PCSK5: variants seen among roughly 807,000 people sequenced by gnomAD.
PCSK5 encodes proprotein convertase subtilisin/kexin type 5, also known as prohormone convertase 5.
PCSK5 carries 129 observed loss-of-function variants against 233.2 expected under a neutral mutation model. The observed-to-expected ratio is 0.55, with a 90% CI of 0.48 to 0.64. The LOEUF is 0.64. Among genes scored for constraint, PCSK5 ranks in the 30% least tolerant of loss-of-function variants. The pLI is 0.00. For synonymous variants in PCSK5, 825 were observed against 879.2 expected (o/e 0.94, Z 1.09); for missense variants, 2,076 against 2,430.1 (o/e 0.85, Z 3.06).
intron 24 of PCSK5, among the ~76,000 whole-genome samples, chr9:76,281,618 G>T (rs371944953): frequency 6.6e-6 from 1 of 152,124 alleles, no homozygotes; most frequent in African/African-American, 2.4e-5. Context: ...CATTGATTCT[G>T]CAGCCCATGG....
chr9:76,113,503 A>G (rs1206211518), intron 9 of PCSK5, among the ~76,000 whole-genome samples: 1 of 152,120 alleles, frequency 6.6e-6, no homozygotes, highest in Non-Finnish European at 1.5e-5. Context: ...ACATGTTTCC[A>G]GCGTTGGAAA....
At chr9:75,995,765 ACACACACACACACACACT>A (rs1426122711) in intron 3 of PCSK5, among the ~76,000 whole-genome samples, 2 of 151,782 alleles carry the variant, frequency 1.3e-5, no homozygotes, top group Non-Finnish European at 2.9e-5. Context: ...ACACACACAC[ACACACACACACACACACT>A]CACACCTCTC....
chr9:76,311,290 G>A (rs138186225), intron 30 of PCSK5, among the ~76,000 whole-genome samples: 1,567 of 151,702 alleles, frequency 0.01, 24 homozygotes, highest in African/African-American at 0.036. Flanking sequence ...CCAGGAGATT[G>A]CAGTGAGCTG....
chr9:76,183,003 A>ACT, intron 16 of PCSK5, among the ~76,000 whole-genome samples: 1 of 152,226 alleles, frequency 6.6e-6, no homozygotes, highest in African/African-American at 2.4e-5. Context: ...GTGGGTAAGG[A>ACT]CTCTGCCTTT....
chr9:76,181,783 C>G (rs1823883083), intron 16 of PCSK5, among the ~76,000 whole-genome samples, 192 bp downstream of exon 16: 1 of 152,146 alleles, frequency 6.6e-6, no homozygotes, highest in African/African-American at 2.4e-5. Flanking sequence ...AGAGTATCCT[C>G]AAGACCACCC....
chr9:76,239,540 A>T (rs539761952), intron 23 of PCSK5, among the ~76,000 whole-genome samples: 1 of 151,974 alleles, frequency 6.6e-6, no homozygotes, highest in South Asian at 2.1e-4. Flanking sequence ...TACTAAACAT[A>T]CAAAAATTAG....
intron 34 of PCSK5, among the ~76,000 whole-genome samples, chr9:76,333,596 A>C (rs28393400): frequency 6.6e-6 from 1 of 152,186 alleles, no homozygotes; most frequent in African/African-American, 2.4e-5. Context: ...TCTGATTGCC[A>C]GCATATCCTT....
intron 13 of PCSK5, among the ~76,000 whole-genome samples, 193 bp from the exon 14 acceptor site, chr9:76,174,793 G>A (rs1252297328): frequency 6.6e-6 from 1 of 152,160 alleles, no homozygotes; most frequent in Admixed American, 6.5e-5. Context: ...TCAATATGTG[G>A]TATGTGAATT....
Position 76,338,454 on chromosome 9 carries a change from G to A in PCSK5, c.4966+7G>A. ...ACTTGTGATCAATGCAAAGGTGAGA[G>A]TCTACCTGTCATTTTGCATGAGTGC... On this transcript the variant is annotated splice_region_variant and intron_variant, in intron 35 of 37. Coordinates refer to ENST00000674117, the MANE Select transcript of PCSK5 (RefSeq NM_001372043.1). 6.3e-7 allele frequency: 1 copy of A among 1,588,900 alleles called. No individual in the cohort carries two copies. Among genetic ancestry groups the A allele is most frequent in the Admixed American group, 1.7e-5 (1 of 59,884 alleles).
chr9:75,950,709 C>A (rs1824815955), intron 2 of PCSK5, among the ~76,000 whole-genome samples: 1 of 152,164 alleles, frequency 6.6e-6, no homozygotes, highest in South Asian at 2.1e-4. Context: ...TGGAAAGGAA[C>A]AACAGGTACC....
chr9:76,150,723 C>T (rs751917988), intron 10 of PCSK5, among the ~76,000 whole-genome samples: 3 of 152,178 alleles, frequency 2.0e-5, no homozygotes, highest in Admixed American at 1.3e-4. Context: ...TGCATTTTTG[C>T]ACTGAGCAGC....
Position 76,158,987 on chromosome 9 carries a change from A to G in PCSK5, c.1435A>G (p.Ile479Val), listed in dbSNP as rs767144881. ...CTCCATCTCTCTCTGTTACAGGACA[A>G]TCCGCCCTAACAGTGCAGTGCGCTC... ...VESTDRQIKT[I>V]RPNSAVRSIY... is the part of the protein sequence containing the mutation. The change falls in exon 12 of 38, where the codon ATC becomes GTC. Residue 479 changes from isoleucine to valine, a missense_variant. By Grantham distance (29) the Ile-to-Val change is conservative. Around this residue, in one of 6 missense-constraint regions of PCSK5, gnomAD observed 64 missense variants for 68.6 expected, o/e 0.93. Coordinates refer to ENST00000674117, the MANE Select transcript of PCSK5 (RefSeq NM_001372043.1). The G allele has an allele frequency of 8.7e-6, 14 of 1,613,374 alleles. No homozygotes were observed. In the East Asian group the frequency reaches 2.5e-4, roughly 28 times the overall value.
At chr9:76,093,952 G>T (rs906949301) in intron 7 of PCSK5, among the ~76,000 whole-genome samples, 1 of 152,164 alleles carries the variant, frequency 6.6e-6, no homozygotes, top group Non-Finnish European at 1.5e-5. Context: ...CTTAGTTTGT[G>T]ATGGCTTGGT....
intron 1 of PCSK5, among the ~76,000 whole-genome samples, chr9:75,914,950 T>G (rs1822916778): frequency 2.0e-5 from 3 of 152,308 alleles, no homozygotes; most frequent in Admixed American, 1.3e-4. Flanking sequence ...ATGATAAATA[T>G]TCCACACTTT....
intron 9 of PCSK5, among the ~76,000 whole-genome samples, chr9:76,111,121 A>AT (rs1832196285): frequency 6.6e-6 from 1 of 152,188 alleles, no homozygotes; most frequent in African/African-American, 2.4e-5. Flanking sequence ...CAAAAAAAAA[A>AT]GTAAAGAAAA....
chr9:76,199,014 AATG>A (rs1302867144), intron 20 of PCSK5, among the ~76,000 whole-genome samples: 1 of 152,254 alleles, frequency 6.6e-6, no homozygotes, highest in Non-Finnish European at 1.5e-5. Context: ...ATCAAAATCA[AATG>A]ATATCTTTAT....
intron 5 of PCSK5, among the ~76,000 whole-genome samples, chr9:76,061,098 A>G (rs1208409322): frequency 6.6e-6 from 1 of 152,188 alleles, no homozygotes; most frequent in Non-Finnish European, 1.5e-5. Context: ...CATTAGAAAG[A>G]TTACTAATTC....
At chr9:76,135,166 G>C (rs1448518624) in intron 10 of PCSK5, among the ~76,000 whole-genome samples, 1 of 151,920 alleles carries the variant, frequency 6.6e-6, no homozygotes, top group Non-Finnish European at 1.5e-5. Context: ...TAATTTTTAA[G>C]GGCCCTAATA....
In PCSK5 at chr9:76,219,292, T is replaced by A. The variant is rs931822191; in HGVS notation, c.2627-8211T>A. On this transcript the variant is annotated intron_variant, in intron 20 of 37. Transcript: ENST00000674117. Reference sequence around the variant, plus strand: ...TGCAGAGAAAGAGAAAGAGGGTAATTTGAGGATGTTCCTTCCCATGGGGCA... The same window carrying A: ...TGCAGAGAAAGAGAAAGAGGGTAATATGAGGATGTTCCTTCCCATGGGGCA... Among the ~76,000 whole-genome samples, 4 of 152,152 alleles carry A rather than the reference T, an allele frequency of 2.6e-5. No homozygotes were observed. The East Asian group carries it at 7.7e-4, about 29-fold the overall frequency.
Sources: allele counts gnomAD v4.1 joint callset (sites outside exome capture counted in the v4.1 genomes callset), GRCh38; gene constraint gnomAD v4.1.1; regional missense constraint gnomAD v4.1.1; transcripts MANE v1.5; gene names NCBI Gene and HGNC (gene_info 2026-07-23, HGNC 2026-07-21).